The following NPAT variants were observed in gnomAD, a reference collection of about 807,000 sequenced individuals.
NPAT encodes protein NPAT.
NPAT carries 52 observed loss-of-function variants against 130.7 expected under a neutral mutation model. That is an observed-to-expected ratio of 0.40 (90% CI 0.32 to 0.50). The LOEUF is 0.50. NPAT is among the 20% of genes least tolerant of loss of function. NPAT has a pLI of 0.68. For synonymous variants in NPAT, 580 were observed against 584.8 expected, an observed-to-expected ratio of 0.99 and a Z score of 0.12; for missense variants, 1,687 against 1,662.6, an observed-to-expected ratio of 1.01 and a Z score of -0.26.
At chr11:108,175,460 C>T (rs972616752) in intron 12 of NPAT, among the ~76,000 whole-genome samples, 1 of 152,170 alleles carries the variant, frequency 6.6e-6, no homozygotes, top group Non-Finnish European at 1.5e-5. Flanking sequence ...ATAGAGGCCA[C>T]ATAAATTCAG....
chr11:108,163,889 G>T (rs1473399853), intron 15 of NPAT, among the ~76,000 whole-genome samples: 2 of 152,166 alleles, frequency 1.3e-5, no homozygotes, highest in East Asian at 3.8e-4. Context: ...GATTAAGAGA[G>T]GTTAAGAGAT....
chr11:108,176,476 T>C, intron 11 of NPAT, 102 bp from the exon 12 acceptor site: 1 of 872,418 alleles, frequency 1.1e-6, no homozygotes, highest in Non-Finnish European at 1.9e-6. Flanking sequence ...AACTTCGATT[T>C]AGGGTTTTAT....
In NPAT at chr11:108,176,278, G is replaced by A; in HGVS notation, c.1100C>T (p.Ala367Val). Residue 367 changes from alanine to valine, a missense_variant, in exon 12 of 18, where the codon GCA (alanine) becomes GTA (valine). Ala to Val is a moderately conservative substitution (Grantham distance 64). This residue lies in a region of NPAT where 1,379 missense variants were observed against 1,346.6 expected (regional missense o/e 1.02). Coordinates refer to ENST00000278612, the MANE Select transcript of NPAT (RefSeq NM_002519.3). ...SIVLADETNL[A>V]VKGSFETEES... ...TTCTGTTTCAAAAGAACCTTTAACT[G>A]CTAGATTAGTTTCATCTGCTAAGAC... is the stretch of plus-strand genomic sequence containing the variant. The A allele has an allele frequency of 6.3e-7, 1 of 1,584,604 alleles. No homozygotes were observed. The highest frequency in any genetic ancestry group is 8.7e-7 in the Non-Finnish European group (1 of 1,153,544).
chr11:108,168,904 G>A (rs1227243220), intron 15 of NPAT, among the ~76,000 whole-genome samples: 1 of 152,126 alleles, frequency 6.6e-6, no homozygotes, highest in Non-Finnish European at 1.5e-5. Context: ...GTGACTAGAT[G>A]ACAAATGTAT....
intron 7 of NPAT, among the ~76,000 whole-genome samples, chr11:108,187,276 C>T (rs1054613102): frequency 4.6e-5 from 7 of 151,962 alleles, no homozygotes; most frequent in African/African-American, 1.7e-4. Context: ...CAAAGTGAGA[C>T]CCCCATCTCT....
intron 1 of NPAT, among the ~76,000 whole-genome samples, chr11:108,205,835 G>A (rs1179813602): frequency 2.0e-5 from 3 of 152,090 alleles, no homozygotes; most frequent in African/African-American, 7.2e-5. Context: ...TTGAGGCCAG[G>A]AGTTTGAGAC....
intron 1 of NPAT, among the ~76,000 whole-genome samples, chr11:108,202,046 G>A (rs2134881284): frequency 6.6e-6 from 1 of 152,282 alleles, no homozygotes; most frequent in South Asian, 2.1e-4. Context: ...TCAGGCACAA[G>A]TGATCAACTA....
At chr11:108,201,625 C>T (rs1305589409) in intron 1 of NPAT, among the ~76,000 whole-genome samples, 1 of 152,212 alleles carries the variant, frequency 6.6e-6, no homozygotes, top group Non-Finnish European at 1.5e-5. Flanking sequence ...GCAGTCACAG[C>T]AGTAACCTTG....
intron 13 of NPAT, chr11:108,171,346 CT>C: frequency 6.6e-6 from 1 of 152,036 alleles, no homozygotes; most frequent in Non-Finnish European, 1.5e-5. Context: ...TGGTCTTGAA[CT>C]CCTGACCTCG....
Position 108,209,670 on chromosome 11 carries a change from A to T in NPAT, c.38-12250T>A, listed in dbSNP as rs569547275. On this transcript the variant is annotated intron_variant, in intron 1 of 17. Coordinates refer to ENST00000278612, the MANE Select transcript of NPAT (RefSeq NM_002519.3). ...TTTGGGAGGCCAAGGCAGGCAGATC[A>T]CGAGGTCAGGAGATCGAGACCATCC... Among the ~76,000 whole-genome samples the T allele has an allele frequency of 4.6e-5, 7 of 152,256 alleles. No individual in the cohort carries two copies. In the East Asian group the frequency reaches 9.7e-4, roughly 21 times the overall value.
At chr11:108,209,291 A>G (rs2078360301) in intron 1 of NPAT, among the ~76,000 whole-genome samples, 1 of 151,288 alleles carries the variant, frequency 6.6e-6, no homozygotes, top group South Asian at 2.1e-4. Context: ...AAAATAAATA[A>G]CTAAATAAAA....
At position 108,179,083 on chromosome 11, in the gene NPAT, C is replaced by T. The variant is rs907868420; in HGVS notation, c.907-1993G>A. Reference sequence around the variant, plus strand: ...AGAAATAAACTCAGGAAAATGTAGTCGAATGGTCTTCAACAAGAGGACCAA... The same window carrying T: ...AGAAATAAACTCAGGAAAATGTAGTTGAATGGTCTTCAACAAGAGGACCAA... On this transcript the variant is annotated intron_variant, in intron 10 of 17. Transcript: ENST00000278612. Among the ~76,000 whole-genome samples the T allele has an allele frequency of 3.9e-5, 6 of 151,986 alleles. No homozygotes were observed. The East Asian group carries it at 5.8e-4, about 15-fold the overall frequency.
At chr11:108,215,423 T>C (rs1403077121) in intron 1 of NPAT, among the ~76,000 whole-genome samples, 1 of 152,016 alleles carries the variant, frequency 6.6e-6, no homozygotes. Flanking sequence ...AACTAATGGG[T>C]TCTAGGCTTA....
intron 1 of NPAT, among the ~76,000 whole-genome samples, chr11:108,200,625 C>T (rs1003625317): frequency 1.4e-4 from 22 of 152,136 alleles, no homozygotes; most frequent in Non-Finnish European, 4.4e-5. Flanking sequence ...CCCCTAAAAC[C>T]AGAAGTTAGG....
At chr11:108,213,093 G>A (rs1347890471) in intron 1 of NPAT, among the ~76,000 whole-genome samples, 2 of 151,982 alleles carry the variant, frequency 1.3e-5, no homozygotes, top group African/African-American at 4.8e-5. Context: ...GACCAACATG[G>A]AGAAACCCTG....
At chr11:108,174,458 C>T (rs2077984709) in intron 12 of NPAT, among the ~76,000 whole-genome samples, 1 of 148,924 alleles carries the variant, frequency 6.7e-6, no homozygotes, top group South Asian at 2.1e-4. Flanking sequence ...AAGGAACCAA[C>T]TATAGAACAG....
chr11:108,161,378 T>C lies in NPAT; in HGVS notation c.3708A>G (p.Lys1236=). 3 of 1,614,178 alleles carry C rather than the reference T, an allele frequency of 1.9e-6. No individual in the cohort carries two copies. Among genetic ancestry groups the C allele is most frequent in the Non-Finnish European group, 2.5e-6 (3 of 1,180,036 alleles). The change falls in exon 17 of 18, where the codon AAA becomes AAG. Residue 1236 remains lysine (K), a synonymous_variant. Transcript: ENST00000278612. The part of the protein sequence containing the change: ...AVKDLKQEQT[K]SASSLITTEM... The stretch of plus-strand genomic sequence containing the variant: ...CTGTGGTAATCAAAGAACTGGCGGA[T>C]TTAGTTTGTTCTTGTTTTAGATCCT...
Position 108,189,327 on chromosome 11 carries a change from C to A in NPAT, c.335G>T (p.Arg112Leu). Reference sequence around the variant, plus strand: ...GATTTCTGCAATTCCAGTTCTCGTTCGGGCTGAAACATATAAGCATTTAAA... The same window carrying A: ...GATTTCTGCAATTCCAGTTCTCGTTAGGGCTGAAACATATAAGCATTTAAA... ...SPRFAGSQRA[R>L]TRTGIAEIKR... Residue 112 changes from arginine to leucine, a missense_variant, in exon 6 of 18, where the codon CGA becomes CTA. By Grantham distance (102) the Arg-to-Leu change is moderately radical. Coordinates refer to ENST00000278612, the MANE Select transcript of NPAT (RefSeq NM_002519.3). The A allele has an allele frequency of 6.2e-7, 1 of 1,614,034 alleles. No individual in the cohort carries two copies. The highest frequency in any genetic ancestry group is 1.3e-5 in the African/African-American group (1 of 75,034).
chr11:108,184,103 A>G (rs1339064973), intron 10 of NPAT, among the ~76,000 whole-genome samples: 1 of 152,136 alleles, frequency 6.6e-6, no homozygotes, highest in Non-Finnish European at 1.5e-5. Flanking sequence ...CATTGTCCCC[A>G]TCTTTCTTCT....
Sources: gnomAD v4.1 joint callset for allele counts (sites outside exome capture counted in the v4.1 genomes callset) on GRCh38, gnomAD v4.1.1 for gene constraint, gnomAD v4.1.1 regional missense constraint, MANE v1.5 for transcripts, NCBI Gene and HGNC (gene_info 2026-07-23, HGNC 2026-07-21) for gene names.